ECM2: variants seen among roughly 807,000 people sequenced by gnomAD.
The protein encoded by ECM2 is extracellular matrix protein 2.
In ECM2, 57 loss-of-function variants were observed where a neutral mutation model predicts 67.5. The observed-to-expected ratio is 0.84, with a 90% CI of 0.68 to 1.05. ECM2 has a LOEUF of 1.05. Among genes scored for constraint, ECM2 ranks in the 50% least tolerant of loss-of-function variants. The pLI, the probability that ECM2 is intolerant of heterozygous loss-of-function variation, is 0.00. For missense variants in ECM2, 741 were observed against 822.8 expected (o/e 0.90, Z 1.22); for synonymous variants, 258 against 294.5 (o/e 0.88, Z 1.27).
downstream of ECM2, chr9:92,494,219 G>C: frequency 6.7e-7 from 1 of 1,495,752 alleles, no homozygotes; most frequent in Non-Finnish European, 9.1e-7. Flanking sequence ...ATCCCAAGAT[G>C]CTAGTTCTGC....
intron 8 of ECM2, 41 bp from the exon 9 acceptor site, chr9:92,501,094 A>C: frequency 1.3e-6 from 2 of 1,579,930 alleles, no homozygotes; most frequent in Non-Finnish European, 1.7e-6. Context: ...GGACATCAGG[A>C]TGGTGATCAT....
chr9:92,534,495 C>T (rs1849048764), intron 1 of ECM2, among the ~76,000 whole-genome samples: 1 of 152,174 alleles, frequency 6.6e-6, no homozygotes, highest in Non-Finnish European at 1.5e-5. Flanking sequence ...TTAATTGCCA[C>T]AGTCATTTGA....
At chr9:92,530,645 G>A (rs756527582) in intron 1 of ECM2, among the ~76,000 whole-genome samples, 14 of 152,044 alleles carry the variant, frequency 9.2e-5, no homozygotes, top group Non-Finnish European at 1.6e-4. Context: ...CAGTGTCTCC[G>A]GGAGTGCTTT....
At chr9:92,523,435 G>A (rs950823447) in intron 1 of ECM2, among the ~76,000 whole-genome samples, 2 of 152,088 alleles carry the variant, frequency 1.3e-5, no homozygotes, top group Admixed American at 6.5e-5. Context: ...CCACCCATAG[G>A]GTACCCAAAG....
rs983108074 is a variant in ECM2 at position 92,495,878 on chromosome 9, A to G, written c.*437T>C. On this transcript the variant is annotated 3_prime_UTR_variant, in exon 10 of 10. Transcript: ENST00000344604. Reference sequence around the variant, plus strand: ...ACAAATTATTGTTTTAATAATAAACAACACTTATTCATAAATTCTGCCTGC... The same window carrying G: ...ACAAATTATTGTTTTAATAATAAACGACACTTATTCATAAATTCTGCCTGC... 5.1e-6 allele frequency: 5 copies of G among 980,824 alleles called. No individual in the cohort carries two copies. Among genetic ancestry groups the G allele is most frequent in the Non-Finnish European group, 6.1e-6 (5 of 825,844 alleles). 60.8% of individuals were successfully genotyped at this position (980,824 alleles called of 1,614,324 possible).
rs1425842224 is a variant in ECM2 at position 92,505,693 on chromosome 9, AT to A, written c.1307-4del. The A allele has an allele frequency of 6.4e-7, 1 of 1,559,748 alleles. No homozygotes were observed. The highest frequency in any genetic ancestry group is 8.6e-7 in the Non-Finnish European group (1 of 1,160,178). On this transcript the variant is annotated splice_region_variant and splice_polypyrimidine_tract_variant and intron_variant, in intron 6 of 9. Coordinates refer to ENST00000344604, the MANE Select transcript of ECM2 (RefSeq NM_001393.4). ...TAAGGTGACCAACTGATTTAAGTCT[AT>A]AAAAAATAAAAGTATTAGAATATTA...
upstream of ECM2, among the ~76,000 whole-genome samples, chr9:92,537,450 T>G (rs756907510): frequency 2.0e-5 from 3 of 151,896 alleles, no homozygotes; most frequent in Non-Finnish European, 2.9e-5. Context: ...CACCTGAGGT[T>G]AGGAGTTTGA....
chr9:92,525,077 C>T (rs1304297108), intron 1 of ECM2, among the ~76,000 whole-genome samples: 1 of 151,958 alleles, frequency 6.6e-6, no homozygotes, highest in Admixed American at 6.6e-5. Flanking sequence ...TATAGGAGGC[C>T]GAAACCAAGG....
intron 6 of ECM2, among the ~76,000 whole-genome samples, chr9:92,506,742 G>C (rs189057451): frequency 1.3e-5 from 2 of 152,256 alleles, no homozygotes; most frequent in African/African-American, 4.8e-5. Flanking sequence ...AGAAGTAGGA[G>C]GAACTTCCAA....
At chr9:92,552,817 T>G in the ECM2 span, among the ~76,000 whole-genome samples, 5 of 152,198 alleles carry the variant, frequency 3.3e-5, no homozygotes, top group Non-Finnish European at 7.4e-5. Flanking sequence ...TGACTGTTCC[T>G]TTTGCCGTGC....
rs149196915 is a variant in ECM2, at chr9:92,519,948, C to T, written c.293-2073G>A. On this transcript the variant is annotated intron_variant, in intron 2 of 9. Transcript: ENST00000344604. ...TGATATCCAGAATATTCATAAAGAA[C>T]TCTTACAACTCAACTACAGAAAGGC... Among the ~76,000 whole-genome samples the T allele has an allele frequency of 1.8e-4, 27 of 150,984 alleles. No individual in the cohort carries two copies. In the East Asian group the frequency reaches 4.8e-3, roughly 27 times the overall value.
intron 1 of ECM2, among the ~76,000 whole-genome samples, chr9:92,533,318 A>ATAT (rs1848939859): frequency 7.4e-5 from 7 of 94,830 alleles, no homozygotes; most frequent in East Asian, 5.3e-4. Context: ...AAAAAAAAAA[A>ATAT]AAAAAAAAAA....
downstream of ECM2, chr9:92,494,069 C>A: frequency 1.3e-6 from 2 of 1,596,782 alleles, no homozygotes; most frequent in Non-Finnish European, 8.5e-7. Flanking sequence ...TGTTTGATTT[C>A]CTGCTTATTG....
chr9:92,542,159 T>C, the ECM2 span, among the ~76,000 whole-genome samples: 2 of 152,218 alleles, frequency 1.3e-5, no homozygotes, highest in African/African-American at 4.8e-5. Flanking sequence ...TTTTAAATTT[T>C]TGAGGAACCT....
At chr9:92,527,846 T>G (rs1331828887) in intron 1 of ECM2, 1 of 154,132 alleles carries the variant, frequency 6.5e-6, no homozygotes, top group African/African-American at 2.4e-5. Flanking sequence ...ATTTTTTACA[T>G]TCTGCATACA....
In ECM2 at chr9:92,500,866, T is replaced by C. The variant is rs1588187895; in HGVS notation, c.1792A>G (p.Met598Val). The C allele has an allele frequency of 6.2e-7, 1 of 1,614,210 alleles. No individual in the cohort carries two copies. The highest frequency in any genetic ancestry group is 1.1e-5 in the South Asian group (1 of 91,086). The change falls in exon 9 of 10, where the codon ATG becomes GTG. Residue 598 changes from methionine to valine, a missense_variant. Transcript: ENST00000344604. The part of the protein sequence containing the change: ...LSFNKLADDG[M>V]DRVSFYGAYH... ...GCCCCATAGAAGGAGACACGGTCCA[T>C]GCCATCATCAGCAAGTTTGTTAAAT...
intron 8 of ECM2, 29 bp from the exon 9 acceptor site, chr9:92,501,082 A>G: frequency 6.3e-7 from 1 of 1,598,992 alleles, no homozygotes; most frequent in South Asian, 1.1e-5. Flanking sequence ...TAAACAGGGT[A>G]GGGACATCAG....
the ECM2 span, among the ~76,000 whole-genome samples, chr9:92,552,689 A>G: frequency 6.6e-6 from 1 of 151,350 alleles, no homozygotes; most frequent in Admixed American, 6.6e-5. Flanking sequence ...TTTTGATAGG[A>G]TTGTTTTTTT....
At chr9:92,536,480 A>T (rs1042000348), upstream of ECM2, 8 of 153,762 alleles carry the variant, frequency 5.2e-5, no homozygotes. Context: ...CACACACAAT[A>T]CTAACAAAAC....
Sources: gnomAD v4.1 joint callset for allele counts (sites outside exome capture counted in the v4.1 genomes callset) on GRCh38, gnomAD v4.1.1 for gene constraint, MANE v1.5 for transcripts, NCBI Gene and HGNC (gene_info 2026-07-23, HGNC 2026-07-21) for gene names.